Variants in CNTNAP2 observed in about 807,000 individuals in gnomAD.
CNTNAP2 encodes contactin-associated protein-like 2.
Under a neutral mutation model 155.2 loss-of-function variants are expected in CNTNAP2, and 98 were observed. The ratio of observed to expected loss-of-function variants is 0.63; its 90% CI spans 0.54 to 0.75. CNTNAP2 has a LOEUF of 0.75. CNTNAP2 is among the 30% of genes least tolerant of loss of function. CNTNAP2 has a pLI of 0.00. For synonymous variants in CNTNAP2, 651 were observed against 631.2 expected (o/e 1.03, Z -0.47); for missense variants, 1,727 against 1,688.1 (o/e 1.02, Z -0.40).
chr7:146,554,734 T>G (rs1281883593), intron 1 of CNTNAP2, among the ~76,000 whole-genome samples: 1 of 152,210 alleles, frequency 6.6e-6, no homozygotes, highest in Non-Finnish European at 1.5e-5. Flanking sequence ...AAACTCGGTG[T>G]GCAGGGTACC....
chr7:147,018,813 T>C (rs1798770470), intron 3 of CNTNAP2, among the ~76,000 whole-genome samples: 1 of 151,980 alleles, frequency 6.6e-6, no homozygotes, highest in Non-Finnish European at 1.5e-5. Flanking sequence ...GGATAGTGTG[T>C]ATGAACCTGC....
At chr7:148,354,229 G>GTTAAA (rs1309866721) in intron 21 of CNTNAP2, among the ~76,000 whole-genome samples, 2 of 119,646 alleles carry the variant, frequency 1.7e-5, no homozygotes, top group African/African-American at 6.4e-5. Context: ...CAAGTCTGGT[G>GTTAAA]TTAAGCCTGT....
chr7:147,463,168 C>T (rs1798055214), intron 10 of CNTNAP2, among the ~76,000 whole-genome samples: 1 of 152,030 alleles, frequency 6.6e-6, no homozygotes, highest in African/African-American at 2.4e-5. Context: ...GTGAAGAAGG[C>T]TAGAAGGCAA....
At chr7:146,246,133 G>A (rs188462897) in intron 1 of CNTNAP2, among the ~76,000 whole-genome samples, 6,434 of 151,108 alleles carry the variant, frequency 0.043, 260 homozygotes, top group African/African-American at 0.1. Flanking sequence ...TGTGATATTG[G>A]CATTGAGTGG....
chr7:146,366,667 G>A (rs926430367), intron 1 of CNTNAP2, among the ~76,000 whole-genome samples: 9 of 152,170 alleles, frequency 5.9e-5, no homozygotes, highest in African/African-American at 2.2e-4. Flanking sequence ...GGCTCCACCT[G>A]TCTTGGAGAT....
At chr7:147,013,695 A>G (rs1327071104) in intron 3 of CNTNAP2, among the ~76,000 whole-genome samples, 1 of 152,078 alleles carries the variant, frequency 6.6e-6, no homozygotes, top group African/African-American at 2.4e-5. Context: ...ATTTATTCAG[A>G]AAGTAATCAT....
intron 11 of CNTNAP2, among the ~76,000 whole-genome samples, chr7:147,504,390 T>A (rs910149135): frequency 6.6e-6 from 1 of 152,014 alleles, no homozygotes; most frequent in African/African-American, 2.4e-5. Context: ...CAGTATATAA[T>A]CATTAAAAAT....
chr7:148,108,725 T>C (rs1454557981), intron 15 of CNTNAP2, among the ~76,000 whole-genome samples: 3 of 152,050 alleles, frequency 2.0e-5, no homozygotes, highest in Non-Finnish European at 2.9e-5. Flanking sequence ...GGTCAAAGAG[T>C]GCAGTTAGGA....
chr7:147,028,368 G>C (rs893838722), intron 3 of CNTNAP2, among the ~76,000 whole-genome samples: 1 of 152,206 alleles, frequency 6.6e-6, no homozygotes, highest in African/African-American at 2.4e-5. Context: ...CTGAAGAAGT[G>C]AGTTGGAAAG....
intron 15 of CNTNAP2, among the ~76,000 whole-genome samples, chr7:148,054,790 C>T (rs1374558958): frequency 3.3e-5 from 5 of 151,864 alleles, no homozygotes; most frequent in African/African-American, 7.3e-5. Context: ...TCAAGTAATG[C>T]GTGGTTTTGA....
intron 1 of CNTNAP2, among the ~76,000 whole-genome samples, chr7:146,299,730 A>T (rs940418914): frequency 6.6e-6 from 1 of 152,036 alleles, no homozygotes; most frequent in African/African-American, 2.4e-5. Context: ...ATATTCCGCA[A>T]TTATGGAGGG....
At chr7:148,278,976 A>G (rs920147788) in intron 21 of CNTNAP2, among the ~76,000 whole-genome samples, 1 of 152,174 alleles carries the variant, frequency 6.6e-6, no homozygotes, top group Admixed American at 6.5e-5. Flanking sequence ...GGCTTGTTCA[A>G]GGACAGGAAG....
chr7:148,361,119 T>C (rs548502373), intron 21 of CNTNAP2, among the ~76,000 whole-genome samples: 3 of 152,328 alleles, frequency 2.0e-5, no homozygotes, highest in Middle Eastern at 3.4e-3. Context: ...AGAGTTGTTT[T>C]AATTTTCTAT....
At chr7:146,901,725 T>C (rs1306339557) in intron 3 of CNTNAP2, among the ~76,000 whole-genome samples, 2 of 152,204 alleles carry the variant, frequency 1.3e-5, no homozygotes, top group Non-Finnish European at 1.5e-5. Context: ...TTGTATTAGA[T>C]GGCTGGGGAA....
In CNTNAP2 at chr7:148,416,521, T is replaced by C. The variant is rs1332078006; in HGVS notation, c.*905T>C. 2.9e-4 allele frequency: 2 copies of C among 6,976 alleles called. No homozygotes were observed. The highest frequency in any genetic ancestry group is 5.5e-4 in the African/African-American group (2 of 3,610). 0.4% of individuals were successfully genotyped at this position (6,976 alleles called of 1,614,324 possible). On this transcript the variant is annotated 3_prime_UTR_variant, in exon 24 of 24. Coordinates refer to ENST00000361727, the MANE Select transcript of CNTNAP2 (RefSeq NM_014141.6). ...GCCAGATGTTATGATTTGTTTGCTC[T>C]TTTTCTTTTATAGTTTAGTTATAGC... is the stretch of plus-strand genomic sequence containing the variant.
At chr7:148,134,407 T>A (rs1804895288) in intron 16 of CNTNAP2, among the ~76,000 whole-genome samples, 1 of 152,236 alleles carries the variant, frequency 6.6e-6, no homozygotes, top group South Asian at 2.1e-4. Context: ...CAGAACATGC[T>A]GGCATTTCAG....
At chr7:147,330,232 TTGA>T (rs1236980770) in intron 9 of CNTNAP2, among the ~76,000 whole-genome samples, 1 of 152,084 alleles carries the variant, frequency 6.6e-6, no homozygotes, top group African/African-American at 2.4e-5. Context: ...AGCTTCTGAG[TTGA>T]TGAACACACA....
Position 146,499,599 on chromosome 7 carries a change from C to T in CNTNAP2, c.98-274672C>T, listed in dbSNP as rs184524868. Among the ~76,000 whole-genome samples the T allele has an allele frequency of 4.9e-3, 751 of 152,122 alleles. 3 individuals carry two copies. The highest frequency in any genetic ancestry group is 0.017 in the African/African-American group (703 of 41,476). On this transcript the variant is annotated intron_variant, in intron 1 of 23. Coordinates refer to ENST00000361727, the MANE Select transcript of CNTNAP2 (RefSeq NM_014141.6). The stretch of plus-strand genomic sequence containing the variant: ...TTTTTATCCCTCCCCTTCCTCCCCC[C>T]ACACCCCGAAGGCCCTAGTGTGTGA...
intron 21 of CNTNAP2, among the ~76,000 whole-genome samples, chr7:148,316,071 A>G (rs1212505907): frequency 1.3e-5 from 2 of 152,196 alleles, no homozygotes; most frequent in Non-Finnish European, 2.9e-5. Flanking sequence ...AAAAAAAGAT[A>G]GAGGGAAAAA....
Sources: allele counts gnomAD v4.1 joint callset (sites outside exome capture counted in the v4.1 genomes callset), GRCh38; gene constraint gnomAD v4.1.1; transcripts MANE v1.5; gene names NCBI Gene and HGNC (gene_info 2026-07-23, HGNC 2026-07-21).